Variants in OSTN observed in about 807,000 individuals in gnomAD.
OSTN encodes osteocrin.
Under a neutral mutation model 12.0 loss-of-function variants are expected in OSTN, and 9 were observed. The ratio of observed to expected loss-of-function variants is 0.75; its 90% CI spans 0.45 to 1.30. The LOEUF (loss-of-function observed/expected upper bound fraction) is 1.30, where lower values mean the gene tolerates loss of function less well. Among genes scored for constraint, OSTN ranks in the 50% most tolerant of loss-of-function variants. OSTN has a pLI of 0.00. For missense variants in OSTN, 148 were observed against 152.3 expected (o/e 0.97, Z 0.15); for synonymous variants, 59 against 56.9 (o/e 1.04, Z -0.16).
chr3:191,201,971 T>C (rs1714161434), intron 1 of OSTN, among the ~76,000 whole-genome samples: 1 of 152,194 alleles, frequency 6.6e-6, no homozygotes, highest in African/African-American at 2.4e-5. Context: ...CTTTGCCCTA[T>C]TTTTCTGAAG....
At chr3:191,230,093 T>TAAATAAATA (rs929678743) in intron 3 of OSTN, among the ~76,000 whole-genome samples, 1 of 151,534 alleles carries the variant, frequency 6.6e-6, no homozygotes, top group African/African-American at 2.4e-5. Flanking sequence ...AATAAATAAA[T>TAAATAAATA]AAATAAATAA....
intron 1 of OSTN, among the ~76,000 whole-genome samples, chr3:191,208,400 G>A (rs543574992): frequency 5.3e-5 from 8 of 152,276 alleles, no homozygotes; most frequent in Admixed American, 2.6e-4. Flanking sequence ...TGTATGGCAG[G>A]TGCCAGGGTG....
chr3:191,260,448 G>C (rs1715780970), intron 4 of OSTN, among the ~76,000 whole-genome samples: 1 of 148,336 alleles, frequency 6.7e-6, no homozygotes, highest in Admixed American at 6.9e-5. Context: ...CAGATATTAA[G>C]GAACCCACAA....
chr3:191,263,130 A>T lies in OSTN; in HGVS notation c.*277A>T. 1 of 426,886 alleles carries T rather than the reference A, an allele frequency of 2.3e-6. No homozygotes were observed. Among genetic ancestry groups the T allele is most frequent in the Non-Finnish European group, 4.2e-6 (1 of 239,616 alleles). 26.4% of individuals were successfully genotyped at this position (426,886 alleles called of 1,614,324 possible). A position where few individuals can be genotyped will look rare whatever the true frequency, so the allele number is the denominator to read the frequency against. On this transcript the variant is annotated 3_prime_UTR_variant, in exon 5 of 5. Coordinates refer to ENST00000682035, the MANE Select transcript of OSTN (RefSeq NM_198184.2). ...CTTAAACCTTACTTTTAAAAATAAT[A>T]ATTAAATACACAATACAGTGAAATG...
At chr3:191,202,663 T>G (rs1714176954) in intron 1 of OSTN, among the ~76,000 whole-genome samples, 1 of 152,200 alleles carries the variant, frequency 6.6e-6, no homozygotes, top group Admixed American at 6.5e-5. Flanking sequence ...TAACTTCAGA[T>G]TTAAATATGC....
chr3:191,219,758 C>G (rs9861823), intron 3 of OSTN, among the ~76,000 whole-genome samples: 1 of 152,026 alleles, frequency 6.6e-6, no homozygotes, highest in Non-Finnish European at 1.5e-5. Context: ...ATTCCTTTAG[C>G]TCATCCTGAA....
chr3:191,235,748 G>T (rs1715172799), intron 3 of OSTN, among the ~76,000 whole-genome samples: 1 of 152,144 alleles, frequency 6.6e-6, no homozygotes, highest in African/African-American at 2.4e-5. Context: ...CTTGGGGCAA[G>T]GTCCCTTTTA....
intron 3 of OSTN, among the ~76,000 whole-genome samples, chr3:191,222,262 C>A (rs145528060): frequency 4.3e-4 from 66 of 152,322 alleles, no homozygotes; most frequent in African/African-American, 1.5e-3. Flanking sequence ...ATCCTGCAGA[C>A]CCCAGAATGG....
rs141791522 is a variant in OSTN, at chr3:191,253,733, A to T, written c.*12+3600A>T. ...GTTTAAAGGTACCAAACTCTCAGCT[A>T]ATCTTTCCTAGATCTGGACAAGGGA... On this transcript the variant is annotated intron_variant, in intron 4 of 4. Coordinates refer to ENST00000682035, the MANE Select transcript of OSTN (RefSeq NM_198184.2). Among the ~76,000 whole-genome samples, 149 of 152,346 alleles carry T rather than the reference A, an allele frequency of 9.8e-4. 1 individual carries two copies. The highest frequency in any genetic ancestry group is 3.4e-3 in the African/African-American group (140 of 41,584).
chr3:191,219,021 A>G, intron 3 of OSTN, 60 bp downstream of exon 3: 1 of 1,401,898 alleles, frequency 7.1e-7, no homozygotes, highest in Non-Finnish European at 9.8e-7. Flanking sequence ...TGGATTCTAA[A>G]TCTGAGAGAA....
intron 3 of OSTN, among the ~76,000 whole-genome samples, chr3:191,223,649 A>G (rs1714826794): frequency 1.3e-5 from 2 of 152,210 alleles, no homozygotes; most frequent in African/African-American, 4.8e-5. Context: ...CTTGTACTAA[A>G]TAACAATAGA....
rs992861043 is a variant in OSTN, at chr3:191,264,419, T to C, written c.*1566T>C. 3.9e-5 allele frequency: 6 copies of C among 152,100 alleles called. No individual in the cohort carries two copies. The highest frequency in any genetic ancestry group is 8.8e-5 in the Non-Finnish European group (6 of 67,960). 9.4% of individuals were successfully genotyped at this position (152,100 alleles called of 1,614,324 possible). A position where few individuals can be genotyped will look rare whatever the true frequency, so the allele number is the denominator to read the frequency against. ...TTGGTTTTGTATGTAACTTCTTAGTTTTTCTGGATATTTTTAAAATTGAAA... is the reference window on the plus strand; with the variant it reads ...TTGGTTTTGTATGTAACTTCTTAGTCTTTCTGGATATTTTTAAAATTGAAA... On this transcript the variant is annotated 3_prime_UTR_variant, in exon 5 of 5. Transcript: ENST00000682035.
chr3:191,212,537 T>G lies in OSTN; in HGVS notation c.5T>G (p.Leu2Arg). 6.3e-7 allele frequency: 1 copy of G among 1,579,572 alleles called. No homozygotes were observed. The highest frequency in any genetic ancestry group is 8.6e-7 in the Non-Finnish European group (1 of 1,157,684). ...TATGACATATGTAACCCTTAGATGCTGGACTGGAGATTGGCAAGTGCACAT... is the reference window on the plus strand; with the variant it reads ...TATGACATATGTAACCCTTAGATGCGGGACTGGAGATTGGCAAGTGCACAT... M[L>R]DWRLASAHFI... The change falls in exon 2 of 5, where the codon CTG becomes CGG. Residue 2 changes from leucine (L) to arginine (R), a missense_variant. Leu to Arg is a moderately radical substitution (Grantham distance 102). Coordinates refer to ENST00000682035, the MANE Select transcript of OSTN (RefSeq NM_198184.2).
In OSTN at chr3:191,212,197, T is replaced by C. The variant is rs752201782; in HGVS notation, c.1-336T>C. ...CCACTGTTACAAATTTCTCCTCAGT[T>C]ACATATATAATGTTGTAATCTCTAG... is the stretch of plus-strand genomic sequence containing the variant. On this transcript the variant is annotated intron_variant, in intron 1 of 4. Transcript: ENST00000682035. 5.2e-4 allele frequency among the ~76,000 whole-genome samples: 79 copies of C among 152,190 alleles called. 3 individuals are homozygous for C. The highest frequency in any genetic ancestry group is 2.1e-4 in the South Asian group (1 of 4,828).
intron 3 of OSTN, 137 bp from the exon 4 acceptor site, chr3:191,249,896 TAGTG>T (rs1715520894): frequency 6.5e-6 from 4 of 619,744 alleles, no homozygotes; most frequent in Non-Finnish European, 2.9e-6. Context: ...GTCTGGCACA[TAGTG>T]AGTACTGGTG....
intron 1 of OSTN, among the ~76,000 whole-genome samples, chr3:191,211,321 G>T (rs1714412163): frequency 6.6e-6 from 1 of 151,974 alleles, no homozygotes; most frequent in African/African-American, 2.4e-5. Context: ...TAAGTTATTT[G>T]TTTTAACAGT....
At chr3:191,206,830 A>G (rs1430492015) in intron 1 of OSTN, among the ~76,000 whole-genome samples, 2 of 152,224 alleles carry the variant, frequency 1.3e-5, no homozygotes, top group Non-Finnish European at 2.9e-5. Context: ...CCTTTTTCTA[A>G]GATAAAAAAT....
intron 1 of OSTN, among the ~76,000 whole-genome samples, chr3:191,204,247 T>C (rs1191005031): frequency 6.6e-6 from 1 of 152,054 alleles, no homozygotes; most frequent in African/African-American, 2.4e-5. Flanking sequence ...AGCTTGCTCC[T>C]TTTTTTCAGG....
intron 3 of OSTN, among the ~76,000 whole-genome samples, chr3:191,236,503 C>T (rs932733845): frequency 2.0e-5 from 3 of 151,492 alleles, no homozygotes; most frequent in Non-Finnish European, 4.4e-5. Context: ...AGGAGGAATG[C>T]GTCCATTTTA....
Sources: allele counts gnomAD v4.1 joint callset (sites outside exome capture counted in the v4.1 genomes callset), GRCh38; gene constraint gnomAD v4.1.1; transcripts MANE v1.5; gene names NCBI Gene and HGNC (gene_info 2026-07-23, HGNC 2026-07-21).